The following CCDC68 variants were observed in gnomAD, a reference collection of about 807,000 sequenced individuals.
The protein encoded by CCDC68 is coiled-coil domain containing 68.
In CCDC68, 45 loss-of-function variants were observed where a neutral mutation model predicts 47.1. That is an observed-to-expected ratio of 0.96 (90% CI 0.75 to 1.23). CCDC68 has a LOEUF of 1.23. Ranked by LOEUF, CCDC68 falls within the 50% of genes most tolerant of loss-of-function variation. CCDC68 has a pLI of 0.00. For missense variants in CCDC68, 353 were observed against 373.6 expected (o/e 0.94, Z 0.45); for synonymous variants, 131 against 129.5 (o/e 1.01, Z -0.08).
chr18:54,958,573 T>C (rs1005499829), intron 1 of CCDC68, among the ~76,000 whole-genome samples: 1 of 152,206 alleles, frequency 6.6e-6, no homozygotes, highest in Non-Finnish European at 1.5e-5. Context: ...GGGGAGCAGG[T>C]ACACCTTCAG....
At chr18:54,941,192 T>C in intron 3 of CCDC68, 109 bp from the exon 4 acceptor site, 4 of 672,446 alleles carry the variant, frequency 5.9e-6, no homozygotes, top group South Asian at 1.8e-5. Context: ...AATACATATA[T>C]ACATATATTG....
chr18:54,904,074 C>T lies in CCDC68; in HGVS notation c.*284G>A, dbSNP rs1913836330. On this transcript the variant is annotated 3_prime_UTR_variant, in exon 12 of 12. Coordinates refer to ENST00000591504, the MANE Select transcript of CCDC68 (RefSeq NM_025214.3). ...CCCAGTAGAAAAAAAAATCTGAAAACAAGATTCAGATTTTTTTTTTTTTTT... is the reference window on the plus strand; with the variant it reads ...CCCAGTAGAAAAAAAAATCTGAAAATAAGATTCAGATTTTTTTTTTTTTTT... 8.3e-6 allele frequency: 2 copies of T among 241,848 alleles called. No individual in the cohort carries two copies. The highest frequency in any genetic ancestry group is 7.1e-5 in the Admixed American group (1 of 14,092). The allele number at this position is 241,848 out of a possible 1,614,324, so 15.0% of individuals were successfully genotyped here.
At chr18:54,956,115 G>A (rs997124302) in intron 1 of CCDC68, among the ~76,000 whole-genome samples, 6 of 150,956 alleles carry the variant, frequency 4.0e-5, no homozygotes, top group Middle Eastern at 3.2e-3. Flanking sequence ...TCAGCCTCCC[G>A]AGTAGCTGGA....
At position 54,935,059 on chromosome 18, in the gene CCDC68, CTTG is replaced by C. The variant is rs1416166995; in HGVS notation, c.472-114_472-112del. 34 of 796,854 alleles carry C rather than the reference CTTG, an allele frequency of 4.3e-5. No homozygotes were observed. The East Asian group carries it at 9.8e-4, about 23-fold the overall frequency. The allele number at this position is 796,854 out of a possible 1,614,324, so 49.4% of individuals were successfully genotyped here. On this transcript the variant is annotated intron_variant, in intron 6 of 11. Coordinates refer to ENST00000591504, the MANE Select transcript of CCDC68 (RefSeq NM_025214.3). ...TAGCCAAAAAAATTCAGAATTCATA[CTTG>C]TTTAGAATTACTCTTTTGATTTCAG...
At chr18:54,919,704 C>A (rs2044020348) in intron 8 of CCDC68, among the ~76,000 whole-genome samples, 1 of 152,126 alleles carries the variant, frequency 6.6e-6, no homozygotes, top group African/African-American at 2.4e-5. Flanking sequence ...GCCTAAGCAC[C>A]CACAGACCTG....
At chr18:54,938,355 A>G (rs1393275000) in intron 4 of CCDC68, among the ~76,000 whole-genome samples, 1 of 152,270 alleles carries the variant, frequency 6.6e-6, no homozygotes, top group Non-Finnish European at 1.5e-5. Context: ...TTTCAAATGT[A>G]CTGATAAGGG....
At chr18:54,911,137 T>A (rs1450371462) in intron 10 of CCDC68, among the ~76,000 whole-genome samples, 2 of 152,166 alleles carry the variant, frequency 1.3e-5, no homozygotes, top group Admixed American at 6.5e-5. Flanking sequence ...CACCTCCACT[T>A]CCTGGGTTCA....
chr18:54,937,834 T>C (rs1228224436), intron 5 of CCDC68, 123 bp downstream of exon 5: 2 of 634,890 alleles, frequency 3.2e-6, no homozygotes, highest in African/African-American at 1.9e-5. Flanking sequence ...TAAGTGAGCA[T>C]GCAGATGGAC....
rs146858123 is a variant in CCDC68 at position 54,935,131 on chromosome 18, T to C, written c.472-183A>G. 3.8e-3 allele frequency among the ~76,000 whole-genome samples: 582 copies of C among 152,348 alleles called. 2 individuals are homozygous for C. The highest frequency in any genetic ancestry group is 0.014 in the African/African-American group (564 of 41,582). On this transcript the variant is annotated intron_variant, in intron 6 of 11. Transcript: ENST00000591504. ...CCTGATAGACTACAACAACATTAAATAGAGAATTAATAATGTATAAATATT... is the reference window on the plus strand; with the variant it reads ...CCTGATAGACTACAACAACATTAAACAGAGAATTAATAATGTATAAATATT...
intron 7 of CCDC68, among the ~76,000 whole-genome samples, chr18:54,930,683 C>CCTCG (rs1201455091): frequency 1.0e-4 from 8 of 78,640 alleles, no homozygotes; most frequent in Non-Finnish European, 7.5e-5. Flanking sequence ...TCCCTCCCTC[C>CCTCG]CTCCCTCCCT....
At chr18:54,932,883 T>C (rs2044287484) in intron 7 of CCDC68, among the ~76,000 whole-genome samples, 2 of 152,204 alleles carry the variant, frequency 1.3e-5, no homozygotes, top group Non-Finnish European at 2.9e-5. Flanking sequence ...AATCCAGATA[T>C]ACTACATTGT....
At chr18:54,952,777 C>T (rs1390394102) in intron 1 of CCDC68, among the ~76,000 whole-genome samples, 1 of 152,152 alleles carries the variant, frequency 6.6e-6, no homozygotes, top group Non-Finnish European at 1.5e-5. Flanking sequence ...CTTTGGGAGG[C>T]CGAGGCGAGC....
In CCDC68 at chr18:54,941,051, C is replaced by T. The variant is rs1414691152; in HGVS notation, c.150G>A (p.Gln50=). Residue 50 remains glutamine, a synonymous_variant, in exon 4 of 12, where the codon CAG becomes CAA. Coordinates refer to ENST00000591504, the MANE Select transcript of CCDC68 (RefSeq NM_025214.3). Reference sequence around the variant, plus strand: ...CATGTCTTATTTCATCTTTAAACATCTGGGTCCTGATCTTTTGCAGAGTAG... The same window carrying T: ...CATGTCTTATTTCATCTTTAAACATTTGGGTCCTGATCTTTTGCAGAGTAG... The part of the protein sequence containing the change: ...IRTTLQKIRT[Q]MFKDEIRHDS... 9 of 1,612,704 alleles carry T rather than the reference C, an allele frequency of 5.6e-6. No homozygotes were observed. Among genetic ancestry groups the T allele is most frequent in the Non-Finnish European group, 7.6e-6 (9 of 1,179,138 alleles).
rs377217035 is a variant in CCDC68, at chr18:54,957,625, ACACT to A, written c.-103+1707_-103+1710del. Among the ~76,000 whole-genome samples the A allele has an allele frequency of 9.6e-4, 128 of 133,558 alleles. 2 individuals are homozygous for A. The highest frequency in any genetic ancestry group is 5.5e-3 in the Admixed American group (74 of 13,344). 87.6% of individuals were successfully genotyped at this position (133,558 alleles called of 152,430 possible). A position where few individuals can be genotyped will look rare whatever the true frequency, so the allele number is the denominator to read the frequency against. ...TAAAACAATGTACACACACACACAC[ACACT>A]CTCTCTCTCTCTCTCTCTCTCTCTC... On this transcript the variant is annotated intron_variant, in intron 1 of 11. Transcript: ENST00000591504.
intron 1 of CCDC68, among the ~76,000 whole-genome samples, chr18:54,946,021 A>G (rs1474341370): frequency 6.6e-6 from 1 of 152,194 alleles, no homozygotes; most frequent in Non-Finnish European, 1.5e-5. Context: ...TACATTTTTG[A>G]ATGGTCAAAC....
chr18:54,920,715 G>A (rs1225689371), intron 8 of CCDC68, among the ~76,000 whole-genome samples: 1 of 152,218 alleles, frequency 6.6e-6, no homozygotes, highest in Non-Finnish European at 1.5e-5. Context: ...CAAGGATGCA[G>A]AGAAAAGGGA....
chr18:54,923,166 A>G (rs2145450566), intron 8 of CCDC68, among the ~76,000 whole-genome samples: 1 of 152,286 alleles, frequency 6.6e-6, no homozygotes, highest in East Asian at 1.9e-4. Flanking sequence ...CTTTCCCAGG[A>G]AGTAATGAGA....
intron 10 of CCDC68, among the ~76,000 whole-genome samples, chr18:54,909,532 G>A (rs1015030789): frequency 2.6e-5 from 4 of 152,192 alleles, no homozygotes; most frequent in Non-Finnish European, 4.4e-5. Flanking sequence ...GGTTCCGTTG[G>A]GCTCATTTTG....
chr18:54,908,755 G>A (rs1944381), intron 10 of CCDC68, among the ~76,000 whole-genome samples: 149,577 of 152,272 alleles, frequency 0.98, 73,540 homozygotes, highest in East Asian at 1. Flanking sequence ...GTCTGGCTCC[G>A]TCACCCAGGC....
Sources: allele counts gnomAD v4.1 joint callset (sites outside exome capture counted in the v4.1 genomes callset), GRCh38; gene constraint gnomAD v4.1.1; transcripts MANE v1.5; gene names NCBI Gene and HGNC (gene_info 2026-07-23, HGNC 2026-07-21).